The following CHST12 variants were observed in gnomAD, a reference collection of about 807,000 sequenced individuals.
CHST12 encodes carbohydrate sulfotransferase 12, also known as carbohydrate (chondroitin 4) sulfotransferase 12.
A neutral mutation model predicts 27.9 loss-of-function variants in CHST12; 23 were observed. The observed-to-expected ratio is 0.82, with a 90% CI of 0.59 to 1.17. CHST12 has a LOEUF of 1.17. Among genes scored for constraint, CHST12 ranks in the 50% most tolerant of loss-of-function variants. CHST12 has a pLI of 0.00. For synonymous variants in CHST12, 322 were observed against 273.0 expected, an observed-to-expected ratio of 1.18 and a Z score of -1.77; for missense variants, 682 against 603.0, an observed-to-expected ratio of 1.13 and a Z score of -1.37.
At chr7:2,430,558 T>TC (rs1328826985) in intron 1 of CHST12, among the ~76,000 whole-genome samples, 4 of 152,214 alleles carry the variant, frequency 2.6e-5, no homozygotes, top group Non-Finnish European at 4.4e-5. Flanking sequence ...CCTCAGGTGA[T>TC]CCACCTGCCT....
chr7:2,404,681 G>C (rs1370705139), intron 1 of CHST12, among the ~76,000 whole-genome samples: 1 of 152,248 alleles, frequency 6.6e-6, no homozygotes, highest in Non-Finnish European at 1.5e-5. Context: ...AGAGAAAACA[G>C]GGGTAATGAG....
In CHST12 at chr7:2,436,291, C is replaced by G. The variant is rs998875491; in HGVS notation, c.*2407C>G. Reference sequence around the variant, plus strand: ...ACTCTGTCCCCATTCAGCACTCGCTCCCCATTGGTAGAAGGCAGCAGCTTC... The same window carrying G: ...ACTCTGTCCCCATTCAGCACTCGCTGCCCATTGGTAGAAGGCAGCAGCTTC... On this transcript the variant is annotated 3_prime_UTR_variant, in exon 2 of 2. Transcript: ENST00000618655. The G allele has an allele frequency of 6.6e-6, 1 of 152,238 alleles. No individual in the cohort carries two copies. Among genetic ancestry groups the G allele is most frequent in the Non-Finnish European group, 1.5e-5 (1 of 68,060 alleles). 9.4% of individuals were successfully genotyped at this position (152,238 alleles called of 1,614,324 possible).
At chr7:2,411,340 C>A (rs891238183) in intron 1 of CHST12, among the ~76,000 whole-genome samples, 23 of 152,164 alleles carry the variant, frequency 1.5e-4, no homozygotes, top group Non-Finnish European at 3.2e-4. Flanking sequence ...CCTTGGCCAC[C>A]TAAAGTGTTG....
Position 2,432,548 on chromosome 7 carries a change from T to A in CHST12, c.-77-15T>A, listed in dbSNP as rs796250783. The A allele has an allele frequency of 1.5e-4, 207 of 1,375,864 alleles. No individual in the cohort carries two copies. The South Asian group carries it at 2.3e-3, about 15-fold the overall frequency. The allele number at this position is 1,375,864 out of a possible 1,614,324, so 85.2% of individuals were successfully genotyped here. On this transcript the variant is annotated splice_polypyrimidine_tract_variant and intron_variant, in intron 1 of 1. Transcript: ENST00000618655. ...TGCACCTCAGTCATTAACTAGTGTG[T>A]CATTGCATCTGCAGGTTCCCAGCAG...
rs547021523 is a variant in CHST12 at position 2,440,947 on chromosome 7, G to A, written c.*7063G>A. The A allele has an allele frequency of 2.0e-5, 3 of 152,258 alleles. No individual in the cohort carries two copies. The highest frequency in any genetic ancestry group is 3.9e-4 in the East Asian group (2 of 5,178). The allele number at this position is 152,258 out of a possible 1,614,324, so 9.4% of individuals were successfully genotyped here. On this transcript the variant is annotated 3_prime_UTR_variant, in exon 2 of 2. Transcript: ENST00000618655. ...TCCTAGGATGAAAAAGCCAGGCCCT[G>A]TCTTTTTTCCTTGTCTAAGCACCAT...
At chr7:2,412,521 G>A (rs568878459) in intron 1 of CHST12, among the ~76,000 whole-genome samples, 156 of 152,288 alleles carry the variant, frequency 1.0e-3, no homozygotes, top group African/African-American at 3.7e-3. Flanking sequence ...GCTTCTTATT[G>A]AAGGTCATGT....
Position 2,437,761 on chromosome 7 carries a change from C to T in CHST12, c.*3877C>T, listed in dbSNP as rs1422732777. 1 of 152,220 alleles carries T rather than the reference C, an allele frequency of 6.6e-6. No individual in the cohort carries two copies. Among genetic ancestry groups the T allele is most frequent in the Non-Finnish European group, 1.5e-5 (1 of 68,104 alleles). 9.4% of individuals were successfully genotyped at this position (152,220 alleles called of 1,614,324 possible). ...ACACACACACACACACACACTCTCT[C>T]TCACACACACATCGGGATATTTTTC... is the stretch of plus-strand genomic sequence containing the variant. On this transcript the variant is annotated 3_prime_UTR_variant, in exon 2 of 2. Coordinates refer to ENST00000618655, the MANE Select transcript of CHST12 (RefSeq NM_018641.5).
chr7:2,447,297 C>G lies in CHST12; in HGVS notation c.*13413C>G, dbSNP rs1038237867. 1 of 152,300 alleles carries G rather than the reference C, an allele frequency of 6.6e-6. No individual in the cohort carries two copies. Among genetic ancestry groups the G allele is most frequent in the Admixed American group, 6.5e-5 (1 of 15,276 alleles). The allele number at this position is 152,300 out of a possible 1,614,324, so 9.4% of individuals were successfully genotyped here. A position where few individuals can be genotyped will look rare whatever the true frequency, so the allele number is the denominator to read the frequency against. On this transcript the variant is annotated 3_prime_UTR_variant, in exon 2 of 2. Coordinates refer to ENST00000618655, the MANE Select transcript of CHST12 (RefSeq NM_018641.5). Reference sequence around the variant, plus strand: ...CTTCCTCCAAAGCCTCCTCCTCTTACATCAGCAAACCTTCTGTTCGGTGAC... The same window carrying G: ...CTTCCTCCAAAGCCTCCTCCTCTTAGATCAGCAAACCTTCTGTTCGGTGAC...
At chr7:2,420,826 A>G (rs1373803548) in intron 1 of CHST12, among the ~76,000 whole-genome samples, 2 of 152,186 alleles carry the variant, frequency 1.3e-5, no homozygotes, top group Non-Finnish European at 2.9e-5. Flanking sequence ...TTTTGGGTGT[A>G]TACACAGAAG....
rs1554282006 is a variant in CHST12 at position 2,432,799 on chromosome 7, C to G, written c.160C>G (p.Pro54Ala). ...GGGGCCGCCGCTGCCCACGCCCGGGCCGGACAGGGACAGGGAGCTCACGGC... is the reference window on the plus strand; with the variant it reads ...GGGGCCGCCGCTGCCCACGCCCGGGGCGGACAGGGACAGGGAGCTCACGGC... ...HTGPPLPTPG[P>A]DRDRELTADS... Residue 54 changes from proline to alanine, a missense_variant, in exon 2 of 2, where the codon CCG becomes GCG. Physicochemically the swap from Pro to Ala is conservative, Grantham distance 27 (BLOSUM62 -1). Transcript: ENST00000618655. 1 of 1,613,752 alleles carries G rather than the reference C, an allele frequency of 6.2e-7. No homozygotes were observed. Among genetic ancestry groups the G allele is most frequent in the Non-Finnish European group, 8.5e-7 (1 of 1,179,834 alleles).
rs1015257220 is a variant in CHST12 at position 2,445,381 on chromosome 7, G to A, written c.*11497G>A. 6.6e-6 allele frequency: 1 copy of A among 152,282 alleles called. No individual in the cohort carries two copies. Among genetic ancestry groups the A allele is most frequent in the African/African-American group, 2.4e-5 (1 of 41,466 alleles). The allele number at this position is 152,282 out of a possible 1,614,324, so 9.4% of individuals were successfully genotyped here. ...CTCCTCCAGCCGACCCCGCCCCCCA[G>A]GGCATTCGAGAAAAGGGTGCTTGTC... On this transcript the variant is annotated 3_prime_UTR_variant, in exon 2 of 2. Transcript: ENST00000618655.
chr7:2,413,723 CTTTTTTTTTTTTT>C (rs1198072520), intron 1 of CHST12, among the ~76,000 whole-genome samples: 4 of 104,104 alleles, frequency 3.8e-5, no homozygotes, highest in Non-Finnish European at 7.6e-5. Flanking sequence ...CAGGTTTTAG[CTTTTTTTTTTTTT>C]TTTTTTTTTT....
chr7:2,433,373 G>A lies in CHST12; in HGVS notation c.734G>A (p.Arg245His). ...AAGTACACCAAGTTCCTCTTCGTGCGCGACCCCTTCGTGCGCCTGATCTCC... is the reference window on the plus strand; with the variant it reads ...AAGTACACCAAGTTCCTCTTCGTGCACGACCCCTTCGTGCGCCTGATCTCC... ...LKKYTKFLFV[R>H]DPFVRLISAF... The change falls in exon 2 of 2, where the codon CGC (arginine) becomes CAC (histidine). Residue 245 changes from arginine to histidine, a missense_variant. Arg to His is a conservative substitution (Grantham distance 29). Coordinates refer to ENST00000618655, the MANE Select transcript of CHST12 (RefSeq NM_018641.5). This position sits in a 1 kb window ranked among gnomAD's most constrained non-coding sequence, Gnocchi z 6.1. 18 of 1,610,740 alleles carry A rather than the reference G, an allele frequency of 1.1e-5. No individual in the cohort carries two copies. The highest frequency in any genetic ancestry group is 2.2e-5 in the East Asian group (1 of 44,858).
chr7:2,433,910 G>T lies in CHST12; in HGVS notation c.*26G>T, dbSNP rs370596350. ...AAGCTTTCGCGTTGCTTTTTCTCGC[G>T]TGCCTGGAACCTGACGCACGCGCAC... On this transcript the variant is annotated 3_prime_UTR_variant, in exon 2 of 2. Transcript: ENST00000618655. This position sits in a 1 kb window ranked among gnomAD's most constrained non-coding sequence, Gnocchi z 6.1. The T allele has an allele frequency of 5.2e-6, 8 of 1,538,880 alleles. No homozygotes were observed. The African/African-American group carries it at 9.7e-5, about 19-fold the overall frequency.
intron 1 of CHST12, among the ~76,000 whole-genome samples, chr7:2,420,504 A>C (rs961884663): frequency 1.3e-5 from 2 of 152,096 alleles, no homozygotes; most frequent in African/African-American, 4.8e-5. Flanking sequence ...GTGTGCAAGC[A>C]TCTCTTCAAG....
At chr7:2,419,330 TG>T (rs1583214999) in intron 1 of CHST12, among the ~76,000 whole-genome samples, 1 of 126,606 alleles carries the variant, frequency 7.9e-6, no homozygotes, top group Non-Finnish European at 1.6e-5. Flanking sequence ...ATCACTTGAG[TG>T]GGGAGGTTGC....
chr7:2,443,262 C>G lies in CHST12; in HGVS notation c.*9378C>G, dbSNP rs1441882506. 6.6e-6 allele frequency: 1 copy of G among 152,204 alleles called. No individual in the cohort carries two copies. Among genetic ancestry groups the G allele is most frequent in the African/African-American group, 2.4e-5 (1 of 41,448 alleles). 9.4% of individuals were successfully genotyped at this position (152,204 alleles called of 1,614,324 possible). ...AATTATAGGCGTGTGCCACCATGCC[C>G]AGCTAATTTTTGTATTTTTAGTAGA... On this transcript the variant is annotated 3_prime_UTR_variant, in exon 2 of 2. Transcript: ENST00000618655.
In CHST12 at chr7:2,417,762, G is replaced by A. The variant is rs1048619974; in HGVS notation, c.-78+14089G>A. On this transcript the variant is annotated intron_variant, in intron 1 of 1. Transcript: ENST00000618655. ...GCCCTCTCATACTGGGAGGGCATCC[G>A]ATATCTCAGTTCACCCATTTGGATG... Among the ~76,000 whole-genome samples the A allele has an allele frequency of 5.3e-5, 8 of 152,070 alleles. No individual in the cohort carries two copies. In the East Asian group the frequency reaches 5.8e-4, roughly 11 times the overall value.
At chr7:2,432,466 C>T (rs1018950766) in intron 1 of CHST12, 97 bp from the exon 2 acceptor site, 4 of 745,226 alleles carry the variant, frequency 5.4e-6, no homozygotes, top group Non-Finnish European at 8.5e-6. Context: ...GCCCAGCGCT[C>T]CTGCTCCTCC....
Sources: gnomAD v4.1 joint callset for allele counts (sites outside exome capture counted in the v4.1 genomes callset) on GRCh38, gnomAD v4.1.1 for gene constraint, Gnocchi (gnomAD v3.1) non-coding constraint, MANE v1.5 for transcripts, NCBI Gene and HGNC (gene_info 2026-07-23, HGNC 2026-07-21) for gene names.